The following DACH1 variants were observed in gnomAD, a reference collection of about 807,000 sequenced individuals.
The protein encoded by DACH1 is dachshund family transcription factor 1, also known as dachshund homolog 1.
In DACH1, 12 loss-of-function variants were observed where a neutral mutation model predicts 54.2. The ratio of observed to expected loss-of-function variants is 0.22; its 90% CI spans 0.14 to 0.36. The LOEUF (loss-of-function observed/expected upper bound fraction) is 0.36. Among genes scored for constraint, DACH1 ranks in the 10% least tolerant of loss-of-function variants. The probability of loss-of-function intolerance (pLI) is 1.00; values close to 1 mark genes in which losing one functional copy is unlikely to be tolerated. For synonymous variants in DACH1, 386 were observed against 366.2 expected (o/e 1.05, Z -0.62); for missense variants, 805 against 929.8 (o/e 0.87, Z 1.75).
chr13:71,496,588 T>C (rs899005680), intron 6 of DACH1, among the ~76,000 whole-genome samples: 1 of 151,714 alleles, frequency 6.6e-6, no homozygotes, highest in Non-Finnish European at 1.5e-5. Context: ...AGGTTCATGA[T>C]GAGAAATTAT....
At chr13:71,795,753 A>T (rs1339151408) in intron 1 of DACH1, among the ~76,000 whole-genome samples, 1 of 152,192 alleles carries the variant, frequency 6.6e-6, no homozygotes, top group African/African-American at 2.4e-5. Context: ...TCAAGTATTT[A>T]ACCTCATCTA....
chr13:71,565,197 G>A (rs925494875), intron 4 of DACH1, among the ~76,000 whole-genome samples: 6 of 152,152 alleles, frequency 3.9e-5, no homozygotes, highest in Middle Eastern at 6.8e-3. Context: ...GTGAGCCACC[G>A]TGCCCAGCCT....
intron 3 of DACH1, among the ~76,000 whole-genome samples, chr13:71,598,077 CAA>C (rs112426536): frequency 1.0e-4 from 9 of 89,258 alleles, no homozygotes; most frequent in Admixed American, 3.2e-4. Context: ...AAGACCCTGT[CAA>C]AAAAAAAAAA....
At chr13:71,539,508 T>A (rs1883003955) in intron 6 of DACH1, among the ~76,000 whole-genome samples, 1 of 152,046 alleles carries the variant, frequency 6.6e-6, no homozygotes. Flanking sequence ...CAATCTGCAA[T>A]ATATCCATAA....
chr13:71,489,836 CT>C (rs1878842056), intron 6 of DACH1, among the ~76,000 whole-genome samples: 2 of 152,182 alleles, frequency 1.3e-5, no homozygotes, highest in Non-Finnish European at 2.9e-5. Flanking sequence ...TAAAATGCTA[CT>C]TCTATAACAA....
At position 71,866,719 on chromosome 13, in the gene DACH1, T is replaced by C; in HGVS notation, c.51A>G (p.Gln17=). The change falls in exon 1 of 11, where the codon CAA becomes CAG. Residue 17 remains glutamine (Q), a synonymous_variant. Coordinates refer to ENST00000613252, the MANE Select transcript of DACH1 (RefSeq NM_080759.6). ...AGGAAGCAGACGTGGAGATTGGGGG[T>C]TGAGGGGGGACCAGCTGGGTCGGAG... ...LIPPTQLVPP[Q]PPISTSASSS... The C allele has an allele frequency of 1.4e-6, 2 of 1,428,014 alleles. No individual in the cohort carries two copies. Among genetic ancestry groups the C allele is most frequent in the South Asian group, 1.7e-5 (1 of 59,842 alleles). The allele number at this position is 1,428,014 out of a possible 1,614,324, so 88.5% of individuals were successfully genotyped here.
chr13:71,685,647 T>C (rs1038163748), intron 1 of DACH1, among the ~76,000 whole-genome samples: 4 of 152,206 alleles, frequency 2.6e-5, no homozygotes, highest in Non-Finnish European at 5.9e-5. Context: ...ATCCTGGTCA[T>C]TAACTCCTAG....
At chr13:71,631,624 C>G (rs1009817670) in intron 2 of DACH1, among the ~76,000 whole-genome samples, 1 of 152,084 alleles carries the variant, frequency 6.6e-6, no homozygotes, top group Non-Finnish European at 1.5e-5. Context: ...TCTTAATAAC[C>G]CTCTGTGATT....
At chr13:71,720,144 A>C (rs1413381280) in intron 1 of DACH1, among the ~76,000 whole-genome samples, 4 of 152,172 alleles carry the variant, frequency 2.6e-5, no homozygotes, top group African/African-American at 9.7e-5. Flanking sequence ...GCTATGGGAA[A>C]ATCAGCAGAA....
intron 3 of DACH1, among the ~76,000 whole-genome samples, chr13:71,614,213 A>T (rs1416944246): frequency 1.3e-5 from 2 of 152,252 alleles, no homozygotes; most frequent in Non-Finnish European, 2.9e-5. Context: ...ATAGAATTTA[A>T]CCATTGGACT....
At chr13:71,672,612 A>C (rs556085476) in intron 2 of DACH1, among the ~76,000 whole-genome samples, 3 of 152,268 alleles carry the variant, frequency 2.0e-5, no homozygotes, top group African/African-American at 7.2e-5. Flanking sequence ...AGGCTAAAAT[A>C]AATAAATAAA....
At chr13:71,522,319 G>C (rs1411034636) in intron 6 of DACH1, among the ~76,000 whole-genome samples, 1 of 151,992 alleles carries the variant, frequency 6.6e-6, no homozygotes, top group Non-Finnish European at 1.5e-5. Context: ...CAGAAGTACT[G>C]GGGGAAGAGG....
At chr13:71,596,863 T>C (rs560783975) in intron 3 of DACH1, among the ~76,000 whole-genome samples, 14 of 152,226 alleles carry the variant, frequency 9.2e-5, no homozygotes, top group South Asian at 6.2e-4. Context: ...GGCAAATAGG[T>C]ATATAGCTAG....
chr13:71,751,006 T>C, intron 1 of DACH1, among the ~76,000 whole-genome samples: 1 of 152,196 alleles, frequency 6.6e-6, no homozygotes, highest in East Asian at 1.9e-4. Context: ...TAATGGAATG[T>C]AAATAGTCAG....
chr13:71,773,978 A>T (rs1885965059), intron 1 of DACH1, among the ~76,000 whole-genome samples: 1 of 79,718 alleles, frequency 1.3e-5, no homozygotes, highest in Non-Finnish European at 3.0e-5. Context: ...GCCTGTTTAA[A>T]AAAAAAAAAA....
intron 10 of DACH1, among the ~76,000 whole-genome samples, chr13:71,454,657 C>G (rs1156321566): frequency 2.0e-5 from 3 of 152,112 alleles, no homozygotes; most frequent in African/African-American, 7.2e-5. Flanking sequence ...GGAACCCAGG[C>G]CCTCAGTCTA....
At chr13:71,516,254 C>G (rs1012865679) in intron 6 of DACH1, among the ~76,000 whole-genome samples, 1 of 151,810 alleles carries the variant, frequency 6.6e-6, no homozygotes, top group African/African-American at 2.4e-5. Flanking sequence ...AGCCATAAAA[C>G]CCAGTATTTT....
At chr13:71,651,529 C>T (rs1270950929) in intron 2 of DACH1, among the ~76,000 whole-genome samples, 1 of 152,058 alleles carries the variant, frequency 6.6e-6, no homozygotes, top group African/African-American at 2.4e-5. Flanking sequence ...GGTGTGGTGG[C>T]ACACGCCTGT....
intron 1 of DACH1, among the ~76,000 whole-genome samples, chr13:71,812,259 C>T (rs1424888970): frequency 6.6e-6 from 1 of 152,132 alleles, no homozygotes; most frequent in Non-Finnish European, 1.5e-5. Context: ...TCCTTGGTGT[C>T]TACTTGTCTC....
Sources: allele counts gnomAD v4.1 joint callset (sites outside exome capture counted in the v4.1 genomes callset), GRCh38; gene constraint gnomAD v4.1.1; transcripts MANE v1.5; gene names NCBI Gene and HGNC (gene_info 2026-07-23, HGNC 2026-07-21).